Variants in B4GALT6 observed in about 807,000 individuals in gnomAD.
B4GALT6 encodes beta-1,4-galactosyltransferase 6.
B4GALT6 carries 14 observed loss-of-function variants against 46.3 expected under a neutral mutation model. That is an observed-to-expected ratio of 0.30 (90% CI 0.20 to 0.47). The LOEUF (loss-of-function observed/expected upper bound fraction) is 0.47, where lower values mean the gene tolerates loss of function less well. Ranked by LOEUF, B4GALT6 falls within the 20% of genes least tolerant of loss-of-function variation. The pLI, the probability that B4GALT6 is intolerant of heterozygous loss-of-function variation, is 0.99. For synonymous variants in B4GALT6, 168 were observed against 162.0 expected, an observed-to-expected ratio of 1.04 and a Z score of -0.28; for missense variants, 386 against 480.1, an observed-to-expected ratio of 0.80 and a Z score of 1.83.
chr18:31,724,062 G>A, the B4GALT6 span: 1 of 319,680 alleles, frequency 3.1e-6, no homozygotes, highest in Non-Finnish European at 6.2e-6. Flanking sequence ...GGCCGGGCAG[G>A]GCGGAAGGGA....
In B4GALT6 at chr18:31,627,229, A is replaced by G; in HGVS notation, c.777-108T>C. 7.3e-6 allele frequency: 6 copies of G among 825,724 alleles called. No homozygotes were observed. In the South Asian group the frequency reaches 1.1e-4, roughly 16 times the overall value. 51.1% of individuals were successfully genotyped at this position (825,724 alleles called of 1,614,324 possible). A position where few individuals can be genotyped will look rare whatever the true frequency, so the allele number is the denominator to read the frequency against. ...TTTGCAAAATATGCCCTTATATTCT[A>G]TATAGACAATTATGTTAGAAAATGT... On this transcript the variant is annotated intron_variant, in intron 6 of 8. Coordinates refer to ENST00000306851, the MANE Select transcript of B4GALT6 (RefSeq NM_004775.5).
At chr18:31,648,322 T>A (rs939662887) in intron 3 of B4GALT6, among the ~76,000 whole-genome samples, 1 of 152,222 alleles carries the variant, frequency 6.6e-6, no homozygotes, top group Admixed American at 6.5e-5. Flanking sequence ...AGCAGTGTAA[T>A]CACAATCAGC....
At chr18:31,708,183 G>A in the B4GALT6 span, among the ~76,000 whole-genome samples, 1 of 152,200 alleles carries the variant, frequency 6.6e-6, no homozygotes, top group Non-Finnish European at 1.5e-5. Flanking sequence ...GTGTTTGGAG[G>A]AGACTCTGAA....
the B4GALT6 span, among the ~76,000 whole-genome samples, chr18:31,691,154 C>A: frequency 6.6e-6 from 1 of 151,846 alleles, no homozygotes; most frequent in Non-Finnish European, 1.5e-5. Flanking sequence ...AAAGTAAAAT[C>A]TTTTAAAAAG....
chr18:31,664,900 C>T (rs1453062812), intron 2 of B4GALT6, among the ~76,000 whole-genome samples: 1 of 152,110 alleles, frequency 6.6e-6, no homozygotes, highest in African/African-American at 2.4e-5. Flanking sequence ...TGAGGCAGTT[C>T]TTCTAAAAAA....
intron 5 of B4GALT6, among the ~76,000 whole-genome samples, chr18:31,637,399 T>TTC (rs1672970098): frequency 1.6e-5 from 2 of 127,872 alleles, no homozygotes; most frequent in African/African-American, 6.1e-5. Context: ...GCTTTTTTTT[T>TTC]TTTTTTTTGA....
chr18:31,661,813 C>T (rs2074221239), intron 2 of B4GALT6, among the ~76,000 whole-genome samples: 2 of 152,206 alleles, frequency 1.3e-5, no homozygotes, highest in African/African-American at 2.4e-5. Context: ...CGTTACAAGG[C>T]TCATTTTCTT....
At chr18:31,646,741 T>C (rs558949608) in intron 3 of B4GALT6, among the ~76,000 whole-genome samples, 114 of 152,360 alleles carry the variant, frequency 7.5e-4, no homozygotes, top group African/African-American at 2.5e-3. Context: ...TTTAGGAGTT[T>C]TCACAATGGC....
Position 31,622,663 on chromosome 18 carries a change from G to T in B4GALT6, c.*2951C>A. 6.6e-6 allele frequency: 1 copy of T among 151,882 alleles called. No homozygotes were observed. Among genetic ancestry groups the T allele is most frequent in the Non-Finnish European group, 1.5e-5 (1 of 67,848 alleles). The allele number at this position is 151,882 out of a possible 1,614,324, so 9.4% of individuals were successfully genotyped here. A position where few individuals can be genotyped will look rare whatever the true frequency, so the allele number is the denominator to read the frequency against. On this transcript the variant is annotated 3_prime_UTR_variant, in exon 9 of 9. Transcript: ENST00000306851. Reference sequence around the variant, plus strand: ...TCTTGGCTGGCAAAAGGGTATATAAGGAAATTTTTAATACATAACTGTATC... The same window carrying T: ...TCTTGGCTGGCAAAAGGGTATATAATGAAATTTTTAATACATAACTGTATC...
chr18:31,665,415 T>C (rs1007142755), intron 2 of B4GALT6, among the ~76,000 whole-genome samples: 1 of 152,224 alleles, frequency 6.6e-6, no homozygotes, highest in African/African-American at 2.4e-5. Context: ...GGAATTCTAA[T>C]GGAGCTTCTA....
At chr18:31,631,978 C>T (rs1177124105) in intron 5 of B4GALT6, among the ~76,000 whole-genome samples, 1 of 152,156 alleles carries the variant, frequency 6.6e-6, no homozygotes, top group Non-Finnish European at 1.5e-5. Flanking sequence ...CAGAACCCAA[C>T]TCCCTATATT....
chr18:31,713,686 A>G, the B4GALT6 span, among the ~76,000 whole-genome samples: 1 of 152,164 alleles, frequency 6.6e-6, no homozygotes. Flanking sequence ...AAATTCCTAA[A>G]GCAAAGTTAG....
chr18:31,646,173 C>G (rs771931717), intron 3 of B4GALT6, among the ~76,000 whole-genome samples: 1 of 152,236 alleles, frequency 6.6e-6, no homozygotes, highest in Non-Finnish European at 1.5e-5. Flanking sequence ...TGAGCACTTA[C>G]CATATATCAG....
intron 4 of B4GALT6, among the ~76,000 whole-genome samples, chr18:31,640,814 G>A (rs1042404793): frequency 2.6e-5 from 4 of 152,200 alleles, no homozygotes; most frequent in South Asian, 2.1e-4. Flanking sequence ...GGGCTTCAGC[G>A]CCAATGGCTG....
chr18:31,672,801 A>G (rs1454811617), intron 1 of B4GALT6, among the ~76,000 whole-genome samples: 3 of 152,248 alleles, frequency 2.0e-5, no homozygotes, highest in Non-Finnish European at 4.4e-5. Flanking sequence ...TGGTGGAGCC[A>G]GAATTCAAAT....
chr18:31,699,439 A>AT, the B4GALT6 span, among the ~76,000 whole-genome samples: 3 of 151,696 alleles, frequency 2.0e-5, no homozygotes, highest in Non-Finnish European at 4.4e-5. Context: ...CGCCTGGCTA[A>AT]TTTTTTGTAT....
chr18:31,703,487 G>C, the B4GALT6 span, among the ~76,000 whole-genome samples: 4 of 152,152 alleles, frequency 2.6e-5, no homozygotes, highest in Non-Finnish European at 5.9e-5. Flanking sequence ...TCTGCTTCCT[G>C]TTTGGATTGT....
the B4GALT6 span, among the ~76,000 whole-genome samples, chr18:31,715,537 CTTTTTTTTTTTTT>C: frequency 2.0e-5 from 1 of 49,610 alleles, no homozygotes; most frequent in Non-Finnish European, 3.3e-5. Context: ...CTGGAACTGT[CTTTTTTTTTTTTT>C]TTTTTTTTTT....
chr18:31,699,756 A>C, the B4GALT6 span, among the ~76,000 whole-genome samples: 1 of 151,486 alleles, frequency 6.6e-6, no homozygotes, highest in African/African-American at 2.5e-5. Context: ...TTTAGAACGA[A>C]CAAAGACTGA....
Sources: allele counts gnomAD v4.1 joint callset (sites outside exome capture counted in the v4.1 genomes callset), GRCh38; gene constraint gnomAD v4.1.1; transcripts MANE v1.5; gene names NCBI Gene and HGNC (gene_info 2026-07-23, HGNC 2026-07-21).